The following FAM78B variants were observed in gnomAD, a reference collection of about 807,000 sequenced individuals.
The protein encoded by FAM78B is protein FAM78B.
A neutral mutation model predicts 20.0 loss-of-function variants in FAM78B; 10 were observed. That is an observed-to-expected ratio of 0.50 (90% CI 0.31 to 0.85). FAM78B has a LOEUF of 0.85. Among genes scored for constraint, FAM78B ranks in the 40% least tolerant of loss-of-function variants. The pLI is 0.05. For missense variants in FAM78B, 283 were observed against 345.0 expected, an observed-to-expected ratio of 0.82 and a Z score of 1.42; for synonymous variants, 135 against 132.8, an observed-to-expected ratio of 1.02 and a Z score of -0.12.
rs1656366295 is a variant in FAM78B at position 166,166,086 on chromosome 1, C to T, written c.163G>A (p.Val55Met). The change falls in exon 1 of 2, where the codon GTG becomes ATG. Residue 55 changes from valine (V) to methionine (M), a missense_variant. Coordinates refer to ENST00000354422, the MANE Select transcript of FAM78B (RefSeq NM_001017961.5). ...TGGCGGGGGATGGGGGGCATGACCA[C>T]GCGGGCGGAGGCTTTGAAGTAGGGG... ...KTPYFKASAR[V>M]VMPPIPRHET... 6.2e-7 allele frequency: 1 copy of T among 1,613,618 alleles called. No individual in the cohort carries two copies. Among genetic ancestry groups the T allele is most frequent in the Non-Finnish European group, 8.5e-7 (1 of 1,179,900 alleles).
intron 1 of FAM78B, among the ~76,000 whole-genome samples, chr1:166,072,081 T>TA (rs1652068822): frequency 6.6e-6 from 1 of 152,232 alleles, no homozygotes; most frequent in Non-Finnish European, 1.5e-5. Flanking sequence ...GCAGTGGTCT[T>TA]CTTTGACATA....
exon 3 of FAM78B, chr1:166,058,135 A>G (rs900858046): frequency 6.6e-6 from 1 of 152,058 alleles, no homozygotes; most frequent in African/African-American, 2.4e-5. Context: ...ATATAAAAGA[A>G]TCTCCCTTAC....
intron 1 of FAM78B, among the ~76,000 whole-genome samples, chr1:166,071,759 T>A (rs1652041181): frequency 6.6e-6 from 1 of 152,098 alleles, no homozygotes; most frequent in African/African-American, 2.4e-5. Flanking sequence ...TTCCAAGAGG[T>A]GAAGCTGAGA....
At chr1:166,130,568 T>C (rs1654835440) in intron 1 of FAM78B, among the ~76,000 whole-genome samples, 1 of 152,210 alleles carries the variant, frequency 6.6e-6, no homozygotes, top group Admixed American at 6.5e-5. Flanking sequence ...GGGTAGAGGC[T>C]AGGTATGCTG....
At chr1:166,100,322 T>C (rs1184283798) in intron 1 of FAM78B, among the ~76,000 whole-genome samples, 5 of 152,108 alleles carry the variant, frequency 3.3e-5, no homozygotes, top group East Asian at 1.9e-4. Context: ...GTTCATCTCA[T>C]TGGGGATTGT....
At chr1:166,118,521 A>G (rs895387280) in intron 1 of FAM78B, among the ~76,000 whole-genome samples, 1 of 152,174 alleles carries the variant, frequency 6.6e-6, no homozygotes, top group Non-Finnish European at 1.5e-5. Context: ...AGCACTTGAC[A>G]AACTATGGCC....
chr1:166,119,378 A>G lies in FAM78B; in HGVS notation c.263+46608T>C, dbSNP rs144282278. On this transcript the variant is annotated intron_variant, in intron 1 of 1. Coordinates refer to ENST00000354422, the MANE Select transcript of FAM78B (RefSeq NM_001017961.5). ...TACCTGATATTTACCTTTCTTTGAC[A>G]TGAGTGATTCCAAAGGAGACGACGC... is the stretch of plus-strand genomic sequence containing the variant. Among the ~76,000 whole-genome samples, 69 of 152,304 alleles carry G rather than the reference A, an allele frequency of 4.5e-4. 1 individual carries two copies. The highest frequency in any genetic ancestry group is 1.6e-3 in the African/African-American group (66 of 41,568).
chr1:166,070,150 T>G lies in FAM78B; in HGVS notation c.*91A>C. The G allele has an allele frequency of 7.0e-7, 1 of 1,429,388 alleles. No individual in the cohort carries two copies. The highest frequency in any genetic ancestry group is 9.2e-7 in the Non-Finnish European group (1 of 1,086,446). 88.5% of individuals were successfully genotyped at this position (1,429,388 alleles called of 1,614,324 possible). A position where few individuals can be genotyped will look rare whatever the true frequency, so the allele number is the denominator to read the frequency against. ...GGCAAACCGAGAGGTCTGCTTTGGC[T>G]CAGAAACTCTGTTTGGCTCCTGCCA... On this transcript the variant is annotated 3_prime_UTR_variant, in exon 2 of 2. Transcript: ENST00000354422.
At chr1:166,127,477 G>A (rs1337045253) in intron 1 of FAM78B, among the ~76,000 whole-genome samples, 1 of 152,170 alleles carries the variant, frequency 6.6e-6, no homozygotes, top group Non-Finnish European at 1.5e-5. Context: ...TCAGGATCTG[G>A]TGCTTGAGGA....
intron 1 of FAM78B, among the ~76,000 whole-genome samples, chr1:166,094,047 G>GTGT: frequency 1.1e-4 from 16 of 147,080 alleles, no homozygotes; most frequent in African/African-American, 1.5e-4. Flanking sequence ...GTGTGTGTGT[G>GTGT]GTGTTCTTGA....
chr1:166,067,242 GGTATACCA>G (rs1651829950), downstream of FAM78B, among the ~76,000 whole-genome samples: 1 of 152,090 alleles, frequency 6.6e-6, no homozygotes, highest in Non-Finnish European at 1.5e-5. Flanking sequence ...CAGCTGGCTA[GGTATACCA>G]TTCTGAATAG....
At chr1:166,165,954 T>G in intron 1 of FAM78B, 32 bp downstream of exon 1, 1 of 1,611,876 alleles carries the variant, frequency 6.2e-7, no homozygotes, top group Non-Finnish European at 8.5e-7. Flanking sequence ...GGGCCCAGAG[T>G]CCGCTCCCGT....
intron 1 of FAM78B, among the ~76,000 whole-genome samples, chr1:166,125,219 G>A (rs1474330457): frequency 6.6e-6 from 1 of 152,126 alleles, no homozygotes; most frequent in African/African-American, 2.4e-5. Context: ...TCCTATGGTT[G>A]TGGGACCAAG....
chr1:166,159,817 G>A (rs1254308471), intron 1 of FAM78B, among the ~76,000 whole-genome samples: 1 of 152,194 alleles, frequency 6.6e-6, no homozygotes, highest in Non-Finnish European at 1.5e-5. Flanking sequence ...TGACTCCAGA[G>A]TTGTGCTTTA....
At chr1:166,128,496 T>A (rs1407598221) in intron 1 of FAM78B, among the ~76,000 whole-genome samples, 1 of 152,224 alleles carries the variant, frequency 6.6e-6, no homozygotes, top group Non-Finnish European at 1.5e-5. Flanking sequence ...ACACCTGAAT[T>A]AGTTTTCACT....
At chr1:166,126,140 T>C (rs1654633310) in intron 1 of FAM78B, among the ~76,000 whole-genome samples, 1 of 152,148 alleles carries the variant, frequency 6.6e-6, no homozygotes, top group South Asian at 2.1e-4. Context: ...GGCCTATTAC[T>C]TTCAATTTTT....
chr1:166,063,310 G>C (rs749476457), intron 2 of FAM78B, among the ~76,000 whole-genome samples: 2 of 152,198 alleles, frequency 1.3e-5, no homozygotes, highest in East Asian at 3.9e-4. Flanking sequence ...CTCCCTGCTT[G>C]ATCTTCTTGT....
Position 166,166,084 on chromosome 1 carries a change from C to G in FAM78B, c.165G>C (p.Val55=). The G allele has an allele frequency of 2.5e-6, 4 of 1,613,806 alleles. No homozygotes were observed. Among genetic ancestry groups the G allele is most frequent in the Non-Finnish European group, 3.4e-6 (4 of 1,179,924 alleles). The change falls in exon 1 of 2, where the codon GTG becomes GTC. Residue 55 remains valine (V), a synonymous_variant. Coordinates refer to ENST00000354422, the MANE Select transcript of FAM78B (RefSeq NM_001017961.5). ...KTPYFKASAR[V]VMPPIPRHET... is the part of the protein sequence containing the mutation. ...CGTGGCGGGGGATGGGGGGCATGAC[C>G]ACGCGGGCGGAGGCTTTGAAGTAGG...
chr1:166,090,547 C>G (rs763202675), intron 1 of FAM78B, among the ~76,000 whole-genome samples: 1 of 151,830 alleles, frequency 6.6e-6, no homozygotes, highest in Non-Finnish European at 1.5e-5. Context: ...TAAAACTAAC[C>G]CCTTTGAAGG....
Sources: allele counts gnomAD v4.1 joint callset (sites outside exome capture counted in the v4.1 genomes callset), GRCh38; gene constraint gnomAD v4.1.1; transcripts MANE v1.5; gene names NCBI Gene and HGNC (gene_info 2026-07-23, HGNC 2026-07-21).